Variants in FOXN2 observed in about 807,000 individuals in gnomAD.
FOXN2 encodes forkhead box protein N2.
In FOXN2, 19 loss-of-function variants were observed where a neutral mutation model predicts 41.2. The ratio of observed to expected loss-of-function variants is 0.46; its 90% CI spans 0.32 to 0.68. The LOEUF (loss-of-function observed/expected upper bound fraction) is 0.68. Ranked by LOEUF, FOXN2 falls within the 30% of genes least tolerant of loss-of-function variation. The pLI, the probability that FOXN2 is intolerant of heterozygous loss-of-function variation, is 0.03. For synonymous variants in FOXN2, 195 were observed against 176.8 expected (o/e 1.10, Z -0.82); for missense variants, 587 against 509.4 (o/e 1.15, Z -1.47).
chr2:48,359,228 A>G lies in FOXN2; in HGVS notation c.638+81A>G, dbSNP rs144748977. ...ATGGAGAAACTTAAAGGTCCAGGGTATTATGTTTCTGTTTTATTGTATAAA... is the reference window on the plus strand; with the variant it reads ...ATGGAGAAACTTAAAGGTCCAGGGTGTTATGTTTCTGTTTTATTGTATAAA... On this transcript the variant is annotated intron_variant, in intron 4 of 6. Coordinates refer to ENST00000340553, the MANE Select transcript of FOXN2 (RefSeq NM_002158.4). 5 of 927,984 alleles carry G rather than the reference A, an allele frequency of 5.4e-6. No individual in the cohort carries two copies. The African/African-American group carries it at 8.4e-5, about 16-fold the overall frequency. 57.5% of individuals were successfully genotyped at this position (927,984 alleles called of 1,614,324 possible). A position where few individuals can be genotyped will look rare whatever the true frequency, so the allele number is the denominator to read the frequency against.
intron 1 of FOXN2, among the ~76,000 whole-genome samples, chr2:48,319,177 T>C (rs1669126132): frequency 6.6e-6 from 1 of 151,702 alleles, no homozygotes; most frequent in South Asian, 2.1e-4. Context: ...TGAGAAGTGC[T>C]TTGAAAGGTG....
chr2:48,346,263 G>A lies in FOXN2; in HGVS notation c.49G>A (p.Gly17Arg). 1 of 1,614,000 alleles carries A rather than the reference G, an allele frequency of 6.2e-7. No individual in the cohort carries two copies. Among genetic ancestry groups the A allele is most frequent in the Non-Finnish European group, 8.5e-7 (1 of 1,179,970 alleles). ...MTPDKRAETPGAEKIAGLSQI... is the reference protein window; with the variant it reads ...MTPDKRAETPRAEKIAGLSQI... ...TCCAGATAAGAGAGCTGAAACCCCA[G>A]GAGCTGAAAAGATTGCAGGATTAAG... is the stretch of plus-strand genomic sequence containing the variant. The change falls in exon 3 of 7, where the codon GGA (glycine) becomes AGA (arginine). Residue 17 changes from glycine to arginine, a missense_variant. Gly to Arg is a moderately radical substitution (Grantham distance 125). Transcript: ENST00000340553.
Position 48,359,043 on chromosome 2 carries a change from C to T in FOXN2, c.538-4C>T, listed in dbSNP as rs367612288. On this transcript the variant is annotated splice_region_variant and splice_polypyrimidine_tract_variant and intron_variant, in intron 3 of 6. Coordinates refer to ENST00000340553, the MANE Select transcript of FOXN2 (RefSeq NM_002158.4). ...CCTAGTTATTCTTGTGCATTTTATT[C>T]TAGGTTAATGGAAAAGGTTCCTTAT... 3.7e-6 allele frequency: 6 copies of T among 1,607,922 alleles called. No individual in the cohort carries two copies. The African/African-American group carries it at 8.0e-5, about 22-fold the overall frequency.
At chr2:48,348,908 A>G (rs899833616) in intron 3 of FOXN2, among the ~76,000 whole-genome samples, 1 of 152,154 alleles carries the variant, frequency 6.6e-6, no homozygotes, top group Non-Finnish European at 1.5e-5. Flanking sequence ...CTAGATTGCT[A>G]TTGCTTGTTA....
intron 5 of FOXN2, among the ~76,000 whole-genome samples, chr2:48,363,737 A>G (rs1243264290): frequency 2.0e-5 from 3 of 152,220 alleles, no homozygotes; most frequent in Non-Finnish European, 2.9e-5. Flanking sequence ...TTGTGATACA[A>G]TTACCTATAG....
intron 1 of FOXN2, among the ~76,000 whole-genome samples, chr2:48,324,978 T>G (rs1008767415): frequency 1.3e-5 from 2 of 152,200 alleles, no homozygotes; most frequent in African/African-American, 2.4e-5. Context: ...GACAATCCAG[T>G]TGTTAGAATA....
intron 3 of FOXN2, among the ~76,000 whole-genome samples, chr2:48,351,088 G>T (rs1281098122): frequency 6.6e-6 from 1 of 151,218 alleles, no homozygotes; most frequent in Non-Finnish European, 1.5e-5. Context: ...CGTTTCCTGA[G>T]TAGCTGGGAC....
intron 1 of FOXN2, among the ~76,000 whole-genome samples, chr2:48,326,631 T>C (rs1378284482): frequency 1.3e-5 from 2 of 152,174 alleles, no homozygotes; most frequent in South Asian, 4.1e-4. Flanking sequence ...ATCCAAAATC[T>C]GAAATGCTTC....
At chr2:48,356,012 C>T (rs546857060) in intron 3 of FOXN2, among the ~76,000 whole-genome samples, 3 of 152,254 alleles carry the variant, frequency 2.0e-5, no homozygotes, top group South Asian at 4.1e-4. Flanking sequence ...GTAATTCCAG[C>T]ACTCTGGTAG....
intron 1 of FOXN2, among the ~76,000 whole-genome samples, chr2:48,315,277 G>A (rs1462530839): frequency 6.6e-6 from 1 of 152,176 alleles, no homozygotes; most frequent in Non-Finnish European, 1.5e-5. Flanking sequence ...TTGAAGTGGA[G>A]CGAGACATGT....
At chr2:48,347,745 C>G (rs528020693) in intron 3 of FOXN2, among the ~76,000 whole-genome samples, 2 of 152,208 alleles carry the variant, frequency 1.3e-5, no homozygotes, top group African/African-American at 4.8e-5. Flanking sequence ...TGGATTAATT[C>G]CTTTTGCCTG....
chr2:48,337,127 T>G (rs1670417134), intron 2 of FOXN2, among the ~76,000 whole-genome samples: 1 of 151,084 alleles, frequency 6.6e-6, no homozygotes, highest in Admixed American at 6.6e-5. Context: ...TTTCCCAGCC[T>G]CTAGTAACTA....
intron 5 of FOXN2, among the ~76,000 whole-genome samples, chr2:48,366,969 A>G: frequency 6.6e-6 from 1 of 152,302 alleles, no homozygotes; most frequent in East Asian, 1.9e-4. Context: ...CTAACACTTC[A>G]TAGAATCATC....
At chr2:48,359,235 TTC>T (rs1672011054) in intron 4 of FOXN2, 88 bp downstream of exon 4, 2 of 875,296 alleles carry the variant, frequency 2.3e-6, no homozygotes, top group African/African-American at 1.7e-5. Flanking sequence ...GGTATTATGT[TTC>T]TGTTTTATTG....
chr2:48,359,920 A>G (rs536412789), intron 4 of FOXN2, among the ~76,000 whole-genome samples: 2 of 152,270 alleles, frequency 1.3e-5, no homozygotes, highest in East Asian at 3.9e-4. Context: ...CATTTTATAT[A>G]CATATGTAGG....
intron 5 of FOXN2, among the ~76,000 whole-genome samples, chr2:48,365,473 G>A (rs1327976674): frequency 1.3e-5 from 2 of 152,136 alleles, no homozygotes; most frequent in Non-Finnish European, 2.9e-5. Flanking sequence ...TTTTCTTTGT[G>A]AATTCTGGAG....
chr2:48,337,454 A>T (rs1670440768), intron 2 of FOXN2, among the ~76,000 whole-genome samples: 1 of 151,856 alleles, frequency 6.6e-6, no homozygotes, highest in African/African-American at 2.4e-5. Context: ...GCACACCACC[A>T]TGCCCCACTA....
At chr2:48,338,271 G>A (rs186180278) in intron 2 of FOXN2, among the ~76,000 whole-genome samples, 1 of 152,258 alleles carries the variant, frequency 6.6e-6, no homozygotes, top group Non-Finnish European at 1.5e-5. Flanking sequence ...CATACCTCAG[G>A]TTTGCTTGCA....
intron 2 of FOXN2, among the ~76,000 whole-genome samples, chr2:48,331,964 A>G (rs541677249): frequency 6.6e-6 from 1 of 152,188 alleles, no homozygotes; most frequent in Admixed American, 6.5e-5. Flanking sequence ...TTATTTATAT[A>G]TTTTTCTCAG....
Sources: allele counts gnomAD v4.1 joint callset (sites outside exome capture counted in the v4.1 genomes callset), GRCh38; gene constraint gnomAD v4.1.1; transcripts MANE v1.5; gene names NCBI Gene and HGNC (gene_info 2026-07-23, HGNC 2026-07-21).